The following CDH12 variants were observed in gnomAD, a reference collection of about 807,000 sequenced individuals.
CDH12 encodes the protein cadherin-12.
In CDH12, 41 loss-of-function variants were observed where a neutral mutation model predicts 74.1. The observed-to-expected ratio is 0.55, with a 90% CI of 0.43 to 0.72. The LOEUF (loss-of-function observed/expected upper bound fraction) is 0.72, where lower values mean the gene tolerates loss of function less well. Among genes scored for constraint, CDH12 ranks in the 30% least tolerant of loss-of-function variants. The pLI is 0.00. For synonymous variants in CDH12, 399 were observed against 355.0 expected (o/e 1.12, Z -1.39); for missense variants, 945 against 977.2 (o/e 0.97, Z 0.44).
intron 3 of CDH12, among the ~76,000 whole-genome samples, chr5:22,217,923 A>G (rs1751877636): frequency 6.6e-6 from 1 of 151,700 alleles, no homozygotes; most frequent in Non-Finnish European, 1.5e-5. Flanking sequence ...AACTAGTATC[A>G]AATGAATTTC....
intron 5 of CDH12, among the ~76,000 whole-genome samples, chr5:22,040,980 A>G (rs1479686182): frequency 6.6e-6 from 1 of 152,154 alleles, no homozygotes; most frequent in Non-Finnish European, 1.5e-5. Context: ...ATTAAAAGTC[A>G]GAACAGTCAA....
chr5:22,341,956 A>C lies in CDH12; in HGVS notation c.-333+63301T>G, dbSNP rs143083769. On this transcript the variant is annotated intron_variant, in intron 3 of 14. Transcript: ENST00000382254. Reference sequence around the variant, plus strand: ...AAAAAAAAAACATAACTGGCAGCGTAAACAGTGAACTTAACATTTCTCACG... The same window carrying C: ...AAAAAAAAAACATAACTGGCAGCGTCAACAGTGAACTTAACATTTCTCACG... Among the ~76,000 whole-genome samples the C allele has an allele frequency of 2.6e-5, 4 of 152,134 alleles. No homozygotes were observed. The East Asian group carries it at 7.7e-4, about 29-fold the overall frequency.
intron 3 of CDH12, among the ~76,000 whole-genome samples, chr5:22,373,987 A>G (rs1741409258): frequency 6.6e-6 from 1 of 152,202 alleles, no homozygotes. Flanking sequence ...CAAAATAGTA[A>G]GCCAAATAAG....
chr5:22,177,208 T>A (rs962561353), intron 4 of CDH12, among the ~76,000 whole-genome samples: 1 of 152,188 alleles, frequency 6.6e-6, no homozygotes, highest in Non-Finnish European at 1.5e-5. Flanking sequence ...AATGGAAATG[T>A]TGACACAAAT....
intron 5 of CDH12, among the ~76,000 whole-genome samples, chr5:22,036,931 A>G (rs993985292): frequency 1.3e-5 from 2 of 152,216 alleles, no homozygotes; most frequent in African/African-American, 4.8e-5. Flanking sequence ...ATGAATATTG[A>G]TCTTAAGAAG....
chr5:22,545,069 G>A (rs1341767694), intron 1 of CDH12, among the ~76,000 whole-genome samples: 1 of 152,136 alleles, frequency 6.6e-6, no homozygotes, highest in Non-Finnish European at 1.5e-5. Flanking sequence ...ACATAATTTA[G>A]TGATGGGTTT....
chr5:21,903,995 C>A (rs1316131751), intron 6 of CDH12, among the ~76,000 whole-genome samples: 1 of 152,090 alleles, frequency 6.6e-6, no homozygotes, highest in East Asian at 1.9e-4. Context: ...AAGTGTCCTG[C>A]ATGATGGATG....
At chr5:22,061,747 G>A (rs1229914397) in intron 5 of CDH12, among the ~76,000 whole-genome samples, 1 of 152,102 alleles carries the variant, frequency 6.6e-6, no homozygotes, top group African/African-American at 2.4e-5. Context: ...TATAAACACA[G>A]ACACACATAC....
At chr5:21,794,437 A>G (rs1049672339) in intron 10 of CDH12, among the ~76,000 whole-genome samples, 2 of 151,804 alleles carry the variant, frequency 1.3e-5, no homozygotes, top group African/African-American at 4.8e-5. Flanking sequence ...AACACGCAGT[A>G]TACCACAGTT....
In CDH12 at chr5:22,360,915, T is replaced by C. The variant is rs538152971; in HGVS notation, c.-333+44342A>G. ...CTAAAAACTCTCAGTAAATTAGGCA[T>C]TGATGGGATGTATCTCAAAATAATA... is the stretch of plus-strand genomic sequence containing the variant. On this transcript the variant is annotated intron_variant, in intron 3 of 14. Transcript: ENST00000382254. 2.6e-5 allele frequency among the ~76,000 whole-genome samples: 4 copies of C among 152,304 alleles called. No individual in the cohort carries two copies. In the South Asian group the frequency reaches 6.2e-4, roughly 24 times the overall value.
At chr5:21,925,854 G>A (rs1281924904) in intron 6 of CDH12, among the ~76,000 whole-genome samples, 1 of 151,934 alleles carries the variant, frequency 6.6e-6, no homozygotes, top group Non-Finnish European at 1.5e-5. Flanking sequence ...CTGGGCACAG[G>A]ACAATTGAAA....
intron 1 of CDH12, among the ~76,000 whole-genome samples, chr5:22,684,764 A>G (rs1741672610): frequency 6.6e-6 from 1 of 152,148 alleles, no homozygotes; most frequent in Non-Finnish European, 1.5e-5. Flanking sequence ...GCTCTTCCCC[A>G]CACATCTCTC....
intron 4 of CDH12, among the ~76,000 whole-genome samples, chr5:22,146,585 C>A (rs991857177): frequency 1.3e-5 from 2 of 151,968 alleles, no homozygotes; most frequent in Non-Finnish European, 2.9e-5. Context: ...CTTTAGCTAC[C>A]AAACAGAGGG....
At chr5:21,830,470 A>G (rs1466321226) in intron 8 of CDH12, among the ~76,000 whole-genome samples, 1 of 152,162 alleles carries the variant, frequency 6.6e-6, no homozygotes, top group Non-Finnish European at 1.5e-5. Flanking sequence ...TATATAATTT[A>G]TAAGCCAAAC....
At chr5:21,845,555 CTT>C (rs11437870) in intron 7 of CDH12, among the ~76,000 whole-genome samples, 60 of 133,698 alleles carry the variant, frequency 4.5e-4, no homozygotes, top group Middle Eastern at 4.0e-3. Context: ...CCACTTTAGT[CTT>C]TTTTTTTTTT....
intron 3 of CDH12, among the ~76,000 whole-genome samples, chr5:22,393,493 CT>C (rs1742334252): frequency 6.6e-6 from 1 of 152,084 alleles, no homozygotes; most frequent in South Asian, 2.1e-4. Context: ...ATATTGGCAT[CT>C]GGAAGTCAGG....
chr5:22,027,344 G>A (rs1462166967), intron 5 of CDH12, among the ~76,000 whole-genome samples: 1 of 152,144 alleles, frequency 6.6e-6, no homozygotes, highest in African/African-American at 2.4e-5. Context: ...GAGTTAGGGA[G>A]GATTCCCTCT....
At chr5:21,798,419 T>C (rs1051797412) in intron 10 of CDH12, among the ~76,000 whole-genome samples, 1 of 152,152 alleles carries the variant, frequency 6.6e-6, no homozygotes, top group Non-Finnish European at 1.5e-5. Flanking sequence ...AATGTACGGG[T>C]GCTCAGTAAT....
Position 22,054,323 on chromosome 5 carries a change from A to G in CDH12, c.231+24123T>C, listed in dbSNP as rs1349500481. Reference sequence around the variant, plus strand: ...GAGGAACCAGTGAGCTTATTGCTCCATTATTTCTCACATTCATATATATAG... The same window carrying G: ...GAGGAACCAGTGAGCTTATTGCTCCGTTATTTCTCACATTCATATATATAG... On this transcript the variant is annotated intron_variant, in intron 5 of 14. Coordinates refer to ENST00000382254, the MANE Select transcript of CDH12 (RefSeq NM_004061.5). Among the ~76,000 whole-genome samples, 5 of 152,278 alleles carry G rather than the reference A, an allele frequency of 3.3e-5. No individual in the cohort carries two copies. In the East Asian group the frequency reaches 9.6e-4, roughly 29 times the overall value.
Sources: gnomAD v4.1 joint callset for allele counts (sites outside exome capture counted in the v4.1 genomes callset) on GRCh38, gnomAD v4.1.1 for gene constraint, MANE v1.5 for transcripts, NCBI Gene and HGNC (gene_info 2026-07-23, HGNC 2026-07-21) for gene names.